The following RBBP8 variants were observed in gnomAD, a reference collection of about 807,000 sequenced individuals.
RBBP8 encodes DNA endonuclease RBBP8.
In RBBP8, 88 loss-of-function variants were observed where a neutral mutation model predicts 108.3. The ratio of observed to expected loss-of-function variants is 0.81; its 90% CI spans 0.68 to 0.97. The LOEUF (loss-of-function observed/expected upper bound fraction) is 0.97. Ranked by LOEUF, RBBP8 falls within the 50% of genes least tolerant of loss-of-function variation. The pLI is 0.00. For synonymous variants in RBBP8, 332 were observed against 348.2 expected (o/e 0.95, Z 0.52); for missense variants, 1,023 against 1,049.0 (o/e 0.98, Z 0.34).
chr18:22,930,089 C>T (rs1018377837), upstream of RBBP8, among the ~76,000 whole-genome samples: 5 of 152,184 alleles, frequency 3.3e-5, no homozygotes, highest in Non-Finnish European at 5.9e-5. Flanking sequence ...TTTAAATCTA[C>T]GTGAGTTCCA....
At chr18:23,019,779 T>TC (rs1319509399) in intron 17 of RBBP8, among the ~76,000 whole-genome samples, 1 of 149,722 alleles carries the variant, frequency 6.7e-6, no homozygotes, top group Non-Finnish European at 1.5e-5. Context: ...TTTTTTTTTT[T>TC]GAGTTGGAGT....
At chr18:22,989,089 A>G (rs1598711625) in intron 8 of RBBP8, 132 bp from the exon 9 acceptor site, 2 of 623,966 alleles carry the variant, frequency 3.2e-6, no homozygotes, top group East Asian at 6.6e-5. Flanking sequence ...CAGAATTTTA[A>G]AATGTGTCTA....
chr18:22,936,889 C>G lies in RBBP8; in HGVS notation c.38C>G (p.Ser13Cys). The change falls in exon 2 of 19, where the codon TCT (serine) becomes TGT (cysteine). Residue 13 changes from serine (S) to cysteine (C), a missense_variant. Physicochemically the swap from Ser to Cys is moderately radical, Grantham distance 112. Coordinates refer to ENST00000327155, the MANE Select transcript of RBBP8 (RefSeq NM_002894.3). ...GGAAGCAGCTGTGGAAGCCCTAACT[C>G]TGCAGATACATCTAGTGACTTTAAG... ...ISGSSCGSPNSADTSSDFKDL... is the reference protein window; with the variant it reads ...ISGSSCGSPNCADTSSDFKDL... The G allele has an allele frequency of 1.2e-6, 2 of 1,614,112 alleles. No homozygotes were observed. Among genetic ancestry groups the G allele is most frequent in the Non-Finnish European group, 1.7e-6 (2 of 1,180,026 alleles).
intron 4 of RBBP8, among the ~76,000 whole-genome samples, chr18:22,956,328 T>TTTTTG (rs1016134508): frequency 4.3e-4 from 65 of 152,232 alleles, no homozygotes; most frequent in African/African-American, 1.5e-3. Flanking sequence ...TTGTTTGGTC[T>TTTTTG]TTTTGTTTTG....
intron 1 of RBBP8, among the ~76,000 whole-genome samples, chr18:22,914,721 C>CA (rs1909285898): frequency 6.6e-6 from 1 of 151,772 alleles, no homozygotes; most frequent in Non-Finnish European, 1.5e-5. Context: ...CTTTTAAGGC[C>CA]AAAAAAAGCA....
intron 4 of RBBP8, among the ~76,000 whole-genome samples, chr18:22,957,345 A>C (rs1429492461): frequency 3.8e-5 from 3 of 79,876 alleles, no homozygotes; most frequent in African/African-American, 4.9e-5. Flanking sequence ...TAAGCTTTTT[A>C]AAGAAATGGC....
chr18:22,995,311 A>G (rs544148981), intron 12 of RBBP8, among the ~76,000 whole-genome samples: 3 of 152,012 alleles, frequency 2.0e-5, no homozygotes, highest in South Asian at 4.2e-4. Flanking sequence ...AGCCTTTTAC[A>G]ATCTACTTGG....
In RBBP8 at chr18:22,939,434, G is replaced by A. The variant is rs532396052; in HGVS notation, c.109+2474G>A. Among the ~76,000 whole-genome samples, 308 of 152,170 alleles carry A rather than the reference G, an allele frequency of 2.0e-3. 1 individual carries two copies. Among genetic ancestry groups the A allele is most frequent in the African/African-American group, 7.1e-3 (293 of 41,516 alleles). On this transcript the variant is annotated intron_variant, in intron 2 of 18. Transcript: ENST00000327155. ...AGGCAGGAGAATCGCTTGAACCCAG[G>A]AGAATCGTTTGAACCCAGGAGGCGG...
At chr18:22,991,632 A>G (rs1394664883) in intron 10 of RBBP8, among the ~76,000 whole-genome samples, 2 of 152,330 alleles carry the variant, frequency 1.3e-5, no homozygotes, top group African/African-American at 2.4e-5. Flanking sequence ...ACCTAATACA[A>G]TGCCTACATA....
rs1247209818 is a variant in RBBP8 at position 22,968,831 on chromosome 18, T to C, written c.274T>C (p.Cys92Arg). The change falls in exon 5 of 19, where the codon TGT becomes CGT. Residue 92 changes from cysteine (C) to arginine (R), a missense_variant. Transcript: ENST00000327155. ...GTTAAGAGCAGGCTTATGTGATCGC[T>C]GTGCAGTAACTGAAGAACATATGCG... ...DRLRAGLCDR[C>R]AVTEEHMRKK... The C allele has an allele frequency of 6.2e-7, 1 of 1,613,548 alleles. No individual in the cohort carries two copies. The highest frequency in any genetic ancestry group is 2.2e-5 in the East Asian group (1 of 44,772).
intron 5 of RBBP8, among the ~76,000 whole-genome samples, chr18:22,972,990 C>T (rs928517834): frequency 2.6e-5 from 4 of 152,104 alleles, no homozygotes; most frequent in African/African-American, 2.4e-5. Flanking sequence ...AGCGTGAAAG[C>T]GCCTTTTCTT....
At chr18:23,011,503 C>T (rs926517785) in intron 16 of RBBP8, among the ~76,000 whole-genome samples, 3 of 145,906 alleles carry the variant, frequency 2.1e-5, no homozygotes, top group Non-Finnish European at 3.0e-5. Flanking sequence ...GTGGTGCCAT[C>T]TTGTCTCACT....
chr18:22,979,296 A>T (rs1914722588), intron 6 of RBBP8, among the ~76,000 whole-genome samples: 1 of 152,182 alleles, frequency 6.6e-6, no homozygotes, highest in South Asian at 2.1e-4. Context: ...AAATAATTTT[A>T]TGTTTATTTT....
chr18:22,950,180 C>T (rs1312994360), intron 4 of RBBP8: 1 of 159,370 alleles, frequency 6.3e-6, no homozygotes, highest in Non-Finnish European at 1.4e-5. Context: ...TTCTTTCCCA[C>T]TCCTATGAGG....
intron 12 of RBBP8, among the ~76,000 whole-genome samples, chr18:22,994,165 C>T (rs1478669441): frequency 2.0e-5 from 3 of 148,576 alleles, no homozygotes; most frequent in Admixed American, 6.7e-5. Context: ...GGACTATAGG[C>T]GCCCACCATG....
At chr18:23,010,911 C>T (rs1020691607) in intron 16 of RBBP8, among the ~76,000 whole-genome samples, 7 of 152,064 alleles carry the variant, frequency 4.6e-5, no homozygotes, top group African/African-American at 1.7e-4. Flanking sequence ...CCCTACGTCA[C>T]GATAAGACAC....
intron 16 of RBBP8, among the ~76,000 whole-genome samples, chr18:23,007,727 G>T (rs1598738187): frequency 6.7e-6 from 1 of 149,778 alleles, no homozygotes; most frequent in African/African-American, 2.4e-5. Flanking sequence ...ACTTTAGGTA[G>T]TAAGACTTAG....
chr18:22,973,436 C>T (rs922793668), intron 5 of RBBP8, among the ~76,000 whole-genome samples: 2 of 152,156 alleles, frequency 1.3e-5, no homozygotes, highest in African/African-American at 4.8e-5. Context: ...CTTCTGTGAA[C>T]CCTACAAAGG....
At chr18:22,933,223 C>T (rs146287592), upstream of RBBP8, 1 of 152,258 alleles carries the variant, frequency 6.6e-6, no homozygotes, top group Non-Finnish European at 1.5e-5. Context: ...CAACCATCGC[C>T]CTCCGGGATG....
Sources: allele counts gnomAD v4.1 joint callset (sites outside exome capture counted in the v4.1 genomes callset), GRCh38; gene constraint gnomAD v4.1.1; transcripts MANE v1.5; gene names NCBI Gene and HGNC (gene_info 2026-07-23, HGNC 2026-07-21).